CSMD1: variants seen among roughly 807,000 people sequenced by gnomAD.
CSMD1 encodes CUB and sushi domain-containing protein 1.
CSMD1 carries 213 observed loss-of-function variants against 417.5 expected under a neutral mutation model. The ratio of observed to expected loss-of-function variants is 0.51; its 90% CI spans 0.46 to 0.57. The LOEUF (loss-of-function observed/expected upper bound fraction) is 0.57, where lower values mean the gene tolerates loss of function less well. Among genes scored for constraint, CSMD1 ranks in the 20% least tolerant of loss-of-function variants. The probability of loss-of-function intolerance (pLI) is 0.00; values close to 1 mark genes in which losing one functional copy is unlikely to be tolerated. For synonymous variants in CSMD1, 2,862 were observed against 1,736.8 expected, an observed-to-expected ratio of 1.65 and a Z score of -16.11; for missense variants, 6,923 against 4,529.7, an observed-to-expected ratio of 1.53 and a Z score of -15.17.
At chr8:3,837,285 C>G (rs1218371350) in intron 5 of CSMD1, among the ~76,000 whole-genome samples, 2 of 152,082 alleles carry the variant, frequency 1.3e-5, no homozygotes, top group East Asian at 3.9e-4. Context: ...ATAGATGAAT[C>G]TCTTCAACAA....
At chr8:4,082,233 G>A (rs1057289483) in intron 3 of CSMD1, among the ~76,000 whole-genome samples, 3 of 151,996 alleles carry the variant, frequency 2.0e-5, no homozygotes, top group African/African-American at 7.3e-5. Flanking sequence ...CAGGTAAAAT[G>A]GACAAAGTCC....
At chr8:3,027,112 A>C (rs1034753449) in intron 51 of CSMD1, among the ~76,000 whole-genome samples, 1 of 152,204 alleles carries the variant, frequency 6.6e-6, no homozygotes, top group Non-Finnish European at 1.5e-5. Context: ...CAATTTAAAA[A>C]ATTTTTTTAA....
chr8:4,688,640 G>C (rs1466921585), intron 1 of CSMD1, among the ~76,000 whole-genome samples: 1 of 152,102 alleles, frequency 6.6e-6, no homozygotes, highest in South Asian at 2.1e-4. Context: ...GAGCCATTTG[G>C]GGGGGTCTTT....
At chr8:3,082,896 A>G (rs1004698347) in intron 49 of CSMD1, among the ~76,000 whole-genome samples, 2 of 152,178 alleles carry the variant, frequency 1.3e-5, no homozygotes, top group African/African-American at 2.4e-5. Context: ...GGAGATTCTC[A>G]TGTCCCAGCT....
chr8:3,618,763 C>G lies in CSMD1; in HGVS notation c.1010-1966G>C, dbSNP rs184480992. On this transcript the variant is annotated intron_variant, in intron 7 of 69. Coordinates refer to ENST00000635120, the MANE Select transcript of CSMD1 (RefSeq NM_033225.6). ...AATGCCCAATGAAGAAAAAGATGTT[C>G]AAAATAGGACTATATTTCATGATGT... 3.1e-3 allele frequency among the ~76,000 whole-genome samples: 465 copies of G among 152,240 alleles called. 2 individuals are homozygous for G. The highest frequency in any genetic ancestry group is 5.1e-3 in the Non-Finnish European group (345 of 68,014).
intron 2 of CSMD1, among the ~76,000 whole-genome samples, chr8:4,549,431 T>G: frequency 6.6e-6 from 1 of 152,210 alleles, no homozygotes; most frequent in East Asian, 1.9e-4. Flanking sequence ...TCTATCCATC[T>G]TCTTTTGCTT....
intron 5 of CSMD1, among the ~76,000 whole-genome samples, chr8:3,893,390 A>G (rs1176651193): frequency 1.1e-5 from 1 of 88,982 alleles, no homozygotes; most frequent in Non-Finnish European, 2.6e-5. Context: ...GGTCATCAAA[A>G]TTGTATGACC....
chr8:3,525,609 G>GTCC (rs1797722756), intron 10 of CSMD1, among the ~76,000 whole-genome samples: 2 of 152,136 alleles, frequency 1.3e-5, no homozygotes, highest in Non-Finnish European at 2.9e-5. Context: ...GGAGGGCATC[G>GTCC]TATCTTCAAA....
rs367640191 is a variant in CSMD1, at chr8:3,430,419, A to C, written c.1562-20814T>G. On this transcript the variant is annotated intron_variant, in intron 12 of 69. Coordinates refer to ENST00000635120, the MANE Select transcript of CSMD1 (RefSeq NM_033225.6). ...CTTCTGTTTATTTTTTTAATGCTGA[A>C]CAAATTGTCTGACATATGTAGTAGG... Among the ~76,000 whole-genome samples, 4 of 152,278 alleles carry C rather than the reference A, an allele frequency of 2.6e-5. No individual in the cohort carries two copies. In the South Asian group the frequency reaches 8.3e-4, roughly 32 times the overall value.
chr8:4,398,312 G>C (rs142371725), intron 3 of CSMD1, among the ~76,000 whole-genome samples: 1 of 148,100 alleles, frequency 6.8e-6, no homozygotes, highest in African/African-American at 2.5e-5. Flanking sequence ...CTTAGTATGA[G>C]TTTTAAATAT....
intron 25 of CSMD1, among the ~76,000 whole-genome samples, chr8:3,289,400 A>G (rs1476400801): frequency 6.8e-6 from 1 of 147,476 alleles, no homozygotes; most frequent in Non-Finnish European, 1.5e-5. Flanking sequence ...AGGAATCGCC[A>G]CACTGACTTC....
intron 1 of CSMD1, among the ~76,000 whole-genome samples, chr8:4,894,333 C>G (rs1203088176): frequency 1.3e-5 from 2 of 151,846 alleles, no homozygotes; most frequent in South Asian, 2.1e-4. Flanking sequence ...TAATTTTCTA[C>G]TAATTCACTG....
chr8:4,876,275 T>G, intron 1 of CSMD1, among the ~76,000 whole-genome samples: 1 of 152,108 alleles, frequency 6.6e-6, no homozygotes, highest in East Asian at 1.9e-4. Context: ...ACAATTCATA[T>G]GCTGCAATCA....
chr8:4,684,536 TAG>T (rs1349678301), intron 1 of CSMD1, among the ~76,000 whole-genome samples: 4 of 152,182 alleles, frequency 2.6e-5, no homozygotes, highest in African/African-American at 9.7e-5. Flanking sequence ...CAAAAAAACA[TAG>T]AGATTTTCAA....
intron 7 of CSMD1, among the ~76,000 whole-genome samples, chr8:3,656,388 C>T (rs567146882): frequency 1.3e-5 from 2 of 151,782 alleles, no homozygotes; most frequent in African/African-American, 2.4e-5. Context: ...CCTGCTTTCT[C>T]TTTTTTTTTC....
At chr8:3,685,654 G>C (rs980339881) in intron 7 of CSMD1, among the ~76,000 whole-genome samples, 3 of 152,130 alleles carry the variant, frequency 2.0e-5, no homozygotes, top group Admixed American at 6.5e-5. Flanking sequence ...AGAGGCCTGG[G>C]GGTGCTTTTC....
chr8:4,043,195 G>T lies in CSMD1; in HGVS notation c.416-11096C>A, dbSNP rs142305211. On this transcript the variant is annotated intron_variant, in intron 3 of 69. Transcript: ENST00000635120. ...ACATCACAGTAGATTATGGTAGACTGCTATAAAGTCTAAAGTCACCACTAA... is the reference window on the plus strand; with the variant it reads ...ACATCACAGTAGATTATGGTAGACTTCTATAAAGTCTAAAGTCACCACTAA... Among the ~76,000 whole-genome samples the T allele has an allele frequency of 1.5e-3, 232 of 152,274 alleles. 7 individuals carry two copies. The East Asian group carries it at 0.042, about 27-fold the overall frequency.
At chr8:4,662,521 G>GT (rs1211955737) in intron 1 of CSMD1, among the ~76,000 whole-genome samples, 1 of 152,158 alleles carries the variant, frequency 6.6e-6, no homozygotes, top group Non-Finnish European at 1.5e-5. Flanking sequence ...GTCCATCTGT[G>GT]TTTTTCAGGC....
chr8:3,582,559 T>C (rs968601960), intron 9 of CSMD1, among the ~76,000 whole-genome samples: 1 of 152,254 alleles, frequency 6.6e-6, no homozygotes, highest in South Asian at 2.1e-4. Flanking sequence ...ATCATAACTG[T>C]AAATGTCTAA....
Sources: gnomAD v4.1 joint callset for allele counts (sites outside exome capture counted in the v4.1 genomes callset) on GRCh38, gnomAD v4.1.1 for gene constraint, MANE v1.5 for transcripts, NCBI Gene and HGNC (gene_info 2026-07-23, HGNC 2026-07-21) for gene names.